The following PI15 variants were observed in gnomAD, a reference collection of about 807,000 sequenced individuals.
PI15 encodes the protein peptidase inhibitor 15.
Under a neutral mutation model 31.0 loss-of-function variants are expected in PI15, and 18 were observed. The ratio of observed to expected loss-of-function variants is 0.58; its 90% CI spans 0.40 to 0.86. PI15 has a LOEUF of 0.86. Among genes scored for constraint, PI15 ranks in the 40% least tolerant of loss-of-function variants. PI15 has a pLI of 0.00. For synonymous variants in PI15, 118 were observed against 119.1 expected (o/e 0.99, Z 0.06); for missense variants, 282 against 328.1 (o/e 0.86, Z 1.09).
chr8:74,845,275 C>T lies in PI15; in HGVS notation c.525+15C>T. The T allele has an allele frequency of 6.2e-7, 1 of 1,611,682 alleles. No individual in the cohort carries two copies. The highest frequency in any genetic ancestry group is 8.5e-7 in the Non-Finnish European group (1 of 1,177,808). On this transcript the variant is annotated intron_variant, in intron 4 of 5. Transcript: ENST00000260113. ...ATTATACGCAGGTTATTTCAATTAC[C>T]TTGTTAATTTTTGATTCATACTTTT... is the stretch of plus-strand genomic sequence containing the variant.
chr8:74,835,636 G>A (rs1339805848), intron 2 of PI15, among the ~76,000 whole-genome samples: 1 of 152,134 alleles, frequency 6.6e-6, no homozygotes, highest in Non-Finnish European at 1.5e-5. Flanking sequence ...GAAAACATGT[G>A]AGCACTATGG....
chr8:74,826,288 C>T lies in PI15; in HGVS notation c.273+766C>T, dbSNP rs1227112683. On this transcript the variant is annotated intron_variant, in intron 2 of 5. Transcript: ENST00000260113. ...TGCAAGGTTATGATTTAAAGTCCAG[C>T]GTCTTACAAGAGCACAGCTTGGAGC... is the stretch of plus-strand genomic sequence containing the variant. 11 of 975,950 alleles carry T rather than the reference C, an allele frequency of 1.1e-5. No individual in the cohort carries two copies. The South Asian group carries it at 1.4e-4, about 13-fold the overall frequency. The allele number at this position is 975,950 out of a possible 1,614,324, so 60.5% of individuals were successfully genotyped here.
In PI15 at chr8:74,851,410, C is replaced by A. The variant is rs1205053260; in HGVS notation, c.*2157C>A. 6.6e-6 allele frequency: 1 copy of A among 152,020 alleles called. No individual in the cohort carries two copies. The highest frequency in any genetic ancestry group is 1.5e-5 in the Non-Finnish European group (1 of 67,934). 9.4% of individuals were successfully genotyped at this position (152,020 alleles called of 1,614,324 possible). On this transcript the variant is annotated 3_prime_UTR_variant, in exon 6 of 6. Transcript: ENST00000260113. ...TTCCAATTTTGTTGCTGAATTGCTT[C>A]TGTGAGTTCACTTTTCAGTTCTAAG...
intron 4 of PI15, 52 bp from the exon 5 acceptor site, chr8:74,845,330 T>C (rs1563569716): frequency 6.3e-7 from 1 of 1,576,474 alleles, no homozygotes; most frequent in Non-Finnish European, 8.7e-7. Flanking sequence ...TTGGTGGACA[T>C]GCATTGTCTT....
At chr8:74,829,676 A>G (rs1810752764) in intron 2 of PI15, among the ~76,000 whole-genome samples, 1 of 152,162 alleles carries the variant, frequency 6.6e-6, no homozygotes, top group Admixed American at 6.6e-5. Context: ...ATGGAAAAAA[A>G]TTCCACTAAG....
chr8:74,834,837 A>C (rs946214536), intron 2 of PI15, among the ~76,000 whole-genome samples: 1 of 152,156 alleles, frequency 6.6e-6, no homozygotes, highest in Non-Finnish European at 1.5e-5. Flanking sequence ...ACTTCTGTGG[A>C]GTTAACTTGG....
chr8:74,848,182 C>G (rs908805189), intron 5 of PI15, among the ~76,000 whole-genome samples: 2 of 152,210 alleles, frequency 1.3e-5, no homozygotes, highest in African/African-American at 4.8e-5. Context: ...TATCAAAAAT[C>G]TAATAGCACT....
chr8:74,825,621 G>A (rs1810687851), intron 2 of PI15, 99 bp downstream of exon 2: 25 of 937,100 alleles, frequency 2.7e-5, no homozygotes, highest in South Asian at 3.4e-5. Context: ...TTATATGTCC[G>A]GGTATATGGA....
chr8:74,839,532 A>G (rs2128765119), intron 2 of PI15, among the ~76,000 whole-genome samples: 1 of 152,308 alleles, frequency 6.6e-6, no homozygotes, highest in South Asian at 2.1e-4. Flanking sequence ...TTTACGCATA[A>G]TATTCTTAAT....
rs996276899 is a variant in PI15 at position 74,850,795 on chromosome 8, T to C, written c.*1542T>C. The C allele has an allele frequency of 1.3e-5, 2 of 152,194 alleles. No homozygotes were observed. The highest frequency in any genetic ancestry group is 2.4e-5 in the African/African-American group (1 of 41,454). 9.4% of individuals were successfully genotyped at this position (152,194 alleles called of 1,614,324 possible). ...ATGAAATCTCTTTCAGAGAGGAGAA[T>C]ACAACATCTTAGTCCAGACATTTAA... On this transcript the variant is annotated 3_prime_UTR_variant, in exon 6 of 6. Transcript: ENST00000260113.
At chr8:74,825,042 T>G in intron 1 of PI15, 168 bp from the exon 2 acceptor site, 1 of 627,668 alleles carries the variant, frequency 1.6e-6, no homozygotes, top group Non-Finnish European at 2.8e-6. Context: ...CACTAAAAAA[T>G]GAATAGAGAT....
intron 5 of PI15, among the ~76,000 whole-genome samples, chr8:74,846,129 T>C (rs1290594051): frequency 6.6e-6 from 1 of 152,262 alleles, no homozygotes; most frequent in African/African-American, 2.4e-5. Context: ...TCTGTTCCCA[T>C]TTGGAATAAA....
chr8:74,835,230 A>T (rs1348680245), intron 2 of PI15, among the ~76,000 whole-genome samples: 1 of 152,150 alleles, frequency 6.6e-6, no homozygotes, highest in Non-Finnish European at 1.5e-5. Context: ...GGATTTTCAG[A>T]AAGTTTCATA....
chr8:74,845,579 AAGTG>A, intron 5 of PI15, 82 bp downstream of exon 5: 1 of 840,722 alleles, frequency 1.2e-6, no homozygotes, highest in South Asian at 1.4e-5. Flanking sequence ...TGTGACAGGT[AAGTG>A]AGTAAGGCTT....
chr8:74,847,309 G>A lies in PI15; in HGVS notation c.642-1809G>A, dbSNP rs377576109. Among the ~76,000 whole-genome samples, 12 of 152,200 alleles carry A rather than the reference G, an allele frequency of 7.9e-5. No homozygotes were observed. In the South Asian group the frequency reaches 2.3e-3, roughly 29 times the overall value. ...AAAAATACAAAATTAGCTTGGTGTGGTGGTGCATATCTGTAATCCCAGCTA... is the reference window on the plus strand; with the variant it reads ...AAAAATACAAAATTAGCTTGGTGTGATGGTGCATATCTGTAATCCCAGCTA... On this transcript the variant is annotated intron_variant, in intron 5 of 5. Transcript: ENST00000260113.
chr8:74,829,900 AG>A (rs1399385839), intron 2 of PI15, among the ~76,000 whole-genome samples: 1 of 152,150 alleles, frequency 6.6e-6, no homozygotes, highest in Non-Finnish European at 1.5e-5. Flanking sequence ...AATCTCCAGC[AG>A]AGAAAAACCA....
chr8:74,836,926 A>G (rs1234631946), intron 2 of PI15, among the ~76,000 whole-genome samples: 1 of 152,188 alleles, frequency 6.6e-6, no homozygotes, highest in African/African-American at 2.4e-5. Context: ...TTGTTGTAAA[A>G]GAAAGGAGAA....
At chr8:74,827,950 T>G (rs1446881954) in intron 2 of PI15, among the ~76,000 whole-genome samples, 1 of 152,130 alleles carries the variant, frequency 6.6e-6, no homozygotes, top group African/African-American at 2.4e-5. Flanking sequence ...AGGGCTTGTT[T>G]CAAAAACTCA....
intron 5 of PI15, among the ~76,000 whole-genome samples, chr8:74,846,459 T>C (rs1485277804): frequency 1.3e-5 from 2 of 152,206 alleles, no homozygotes; most frequent in African/African-American, 4.8e-5. Context: ...CATTTTCCTA[T>C]GAAGCCTTTA....
Sources: allele counts gnomAD v4.1 joint callset (sites outside exome capture counted in the v4.1 genomes callset), GRCh38; gene constraint gnomAD v4.1.1; transcripts MANE v1.5; gene names NCBI Gene and HGNC (gene_info 2026-07-23, HGNC 2026-07-21).